Variants in CNTN4 observed in about 807,000 individuals in gnomAD.
CNTN4 encodes the protein contactin 4, also known as contactin-4.
CNTN4 carries 77 observed loss-of-function variants against 122.5 expected under a neutral mutation model. The observed-to-expected ratio is 0.63, with a 90% confidence interval of 0.52 to 0.76. The LOEUF is 0.76. CNTN4 is among the 30% of genes least tolerant of loss of function. The pLI, the probability that CNTN4 is intolerant of heterozygous loss-of-function variation, is 0.00. For missense variants in CNTN4, 1,256 were observed against 1,259.1 expected (o/e 1.00, Z 0.04); for synonymous variants, 512 against 447.0 (o/e 1.15, Z -1.83).
At chr3:2,275,548 TTA>T (rs1257386230) in intron 2 of CNTN4, among the ~76,000 whole-genome samples, 4 of 151,852 alleles carry the variant, frequency 2.6e-5, no homozygotes. Context: ...AAATTCACAA[TTA>T]TATATTATAT....
At chr3:2,714,007 G>A (rs911422518) in intron 4 of CNTN4, among the ~76,000 whole-genome samples, 8 of 152,120 alleles carry the variant, frequency 5.3e-5, no homozygotes, top group African/African-American at 1.7e-4. Flanking sequence ...AGACATGGCC[G>A]TTAAATGTTA....
chr3:2,531,963 G>A (rs1040885207), intron 3 of CNTN4, among the ~76,000 whole-genome samples: 2 of 152,136 alleles, frequency 1.3e-5, no homozygotes, highest in African/African-American at 4.8e-5. Context: ...AATTACAACT[G>A]AGCCAGCATT....
chr3:2,650,076 AAT>A (rs139412989), intron 4 of CNTN4, among the ~76,000 whole-genome samples: 44 of 145,546 alleles, frequency 3.0e-4, no homozygotes, highest in African/African-American at 6.7e-4. Context: ...TATTTTTATA[AAT>A]ATATATATAT....
chr3:2,961,025 T>C (rs1219781065), intron 13 of CNTN4, among the ~76,000 whole-genome samples: 1 of 142,972 alleles, frequency 7.0e-6, no homozygotes, highest in African/African-American at 2.6e-5. Flanking sequence ...GGTCAGGAGA[T>C]CGAGACCATC....
chr3:2,676,883 A>G (rs1344365656), intron 4 of CNTN4, among the ~76,000 whole-genome samples: 1 of 152,232 alleles, frequency 6.6e-6, no homozygotes, highest in Non-Finnish European at 1.5e-5. Flanking sequence ...GACATTCTTA[A>G]GTAGTACTTG....
In CNTN4 at chr3:2,571,326, T is replaced by A. The variant is rs571802255; in HGVS notation, c.-88-90T>A. The stretch of plus-strand genomic sequence containing the variant: ...CCAATGGTACTTTCCCACAAGTGAG[T>A]TTTATTGATATTTGAGTAAAGATAA... On this transcript the variant is annotated intron_variant, in intron 3 of 24. Transcript: ENST00000418658. The A allele has an allele frequency of 5.1e-4, 326 of 641,130 alleles. 1 individual carries two copies. Among genetic ancestry groups the A allele is most frequent in the South Asian group, 4.4e-3 (237 of 53,680 alleles). The allele number at this position is 641,130 out of a possible 1,614,324, so 39.7% of individuals were successfully genotyped here. A position where few individuals can be genotyped will look rare whatever the true frequency, so the allele number is the denominator to read the frequency against.
At chr3:2,461,976 C>G (rs73112093) in intron 3 of CNTN4, among the ~76,000 whole-genome samples, 1 of 152,294 alleles carries the variant, frequency 6.6e-6, no homozygotes, top group African/African-American at 2.4e-5. Flanking sequence ...ACTCCAGGAG[C>G]ATGTGCAATG....
intron 4 of CNTN4, among the ~76,000 whole-genome samples, chr3:2,576,704 C>A (rs540849804): frequency 1.3e-5 from 2 of 152,058 alleles, no homozygotes; most frequent in African/African-American, 4.8e-5. Context: ...CCTACCACCA[C>A]GCCCAGCTAG....
intron 4 of CNTN4, among the ~76,000 whole-genome samples, chr3:2,622,014 C>T (rs560125379): frequency 6.6e-6 from 1 of 152,272 alleles, no homozygotes; most frequent in East Asian, 1.9e-4. Context: ...GCAGGAAATT[C>T]ACATTAAGGG....
chr3:2,865,332 C>G (rs2093712772), intron 7 of CNTN4, among the ~76,000 whole-genome samples: 1 of 152,196 alleles, frequency 6.6e-6, no homozygotes, highest in Non-Finnish European at 1.5e-5. Context: ...TTTCCTGTTG[C>G]ACATTCAGTT....
intron 12 of CNTN4, among the ~76,000 whole-genome samples, chr3:2,909,494 G>A (rs1006306373): frequency 6.6e-6 from 1 of 151,388 alleles, no homozygotes; most frequent in Non-Finnish European, 1.5e-5. Flanking sequence ...GTAAATCCCA[G>A]TTCTGTGCTT....
intron 7 of CNTN4, among the ~76,000 whole-genome samples, chr3:2,831,678 C>T (rs906455836): frequency 1.3e-5 from 2 of 152,208 alleles, no homozygotes; most frequent in Middle Eastern, 3.2e-3. Flanking sequence ...GTCATAAAAA[C>T]ACTCCATAGG....
At chr3:2,210,047 G>A (rs543291568) in intron 2 of CNTN4, among the ~76,000 whole-genome samples, 71 of 152,092 alleles carry the variant, frequency 4.7e-4, no homozygotes, top group Non-Finnish European at 9.6e-4. Flanking sequence ...TCTACTTTCA[G>A]TGTCTTACAA....
chr3:2,514,676 GCCTCAATAGC>G (rs1559624725), intron 3 of CNTN4, among the ~76,000 whole-genome samples: 1 of 152,148 alleles, frequency 6.6e-6, no homozygotes, highest in Middle Eastern at 3.4e-3. Flanking sequence ...ACCTCTCTGT[GCCTCAATAGC>G]CCCCAGTAAA....
In CNTN4 at chr3:2,180,161, A is replaced by G. The variant is rs1055606983; in HGVS notation, c.-145+79522A>G. ...TTTATAGATGTTTTTATGAGTTTCA[A>G]TTTCCTAATCTGGTAAATAATACAT... On this transcript the variant is annotated intron_variant, in intron 2 of 24. Transcript: ENST00000418658. 1.3e-4 allele frequency among the ~76,000 whole-genome samples: 20 copies of G among 151,946 alleles called. No individual in the cohort carries two copies. The South Asian group carries it at 1.5e-3, about 11-fold the overall frequency.
chr3:2,266,511 T>TC (rs1410397047), intron 2 of CNTN4, among the ~76,000 whole-genome samples: 42 of 151,860 alleles, frequency 2.8e-4, no homozygotes, highest in Non-Finnish European at 5.4e-4. Context: ...AAATCAAATC[T>TC]CCCCCCAACA....
chr3:2,942,143 A>T lies in CNTN4; in HGVS notation c.1358+16364A>T, dbSNP rs57087800. 0.029 allele frequency among the ~76,000 whole-genome samples: 4,460 copies of T among 152,292 alleles called. 228 individuals carry two copies. Among genetic ancestry groups the T allele is most frequent in the African/African-American group, 0.1 (4,216 of 41,544 alleles). The stretch of plus-strand genomic sequence containing the variant: ...GCCCTGGAATACAACTTAGGGCTTT[A>T]GTCAATAAGTGTTCAATAAATGAAG... On this transcript the variant is annotated intron_variant, in intron 13 of 24. Coordinates refer to ENST00000418658, the MANE Select transcript of CNTN4 (RefSeq NM_175607.3).
At chr3:2,658,195 GCCTGGCTGCTCCTCTTCCTGTGTGGAA>G (rs2083687385) in intron 4 of CNTN4, among the ~76,000 whole-genome samples, 1 of 151,678 alleles carries the variant, frequency 6.6e-6, no homozygotes, top group African/African-American at 2.4e-5. Flanking sequence ...GCGGGGAGGA[GCCTGGCTGCTCCTCTTCCTGTGTGGAA>G]CCTGGGATTC....
intron 4 of CNTN4, among the ~76,000 whole-genome samples, chr3:2,730,403 C>T (rs2088594903): frequency 6.6e-6 from 1 of 152,114 alleles, no homozygotes; most frequent in African/African-American, 2.4e-5. Context: ...GAGGGATGCT[C>T]ACCTGTTTCA....
Sources: allele counts gnomAD v4.1 joint callset (sites outside exome capture counted in the v4.1 genomes callset), GRCh38; gene constraint gnomAD v4.1.1; transcripts MANE v1.5; gene names NCBI Gene and HGNC (gene_info 2026-07-23, HGNC 2026-07-21).